The following PCDHGA3 variants were observed in gnomAD, a reference collection of about 807,000 sequenced individuals.
PCDHGA3 encodes protocadherin gamma-A3.
Under a neutral mutation model 58.5 loss-of-function variants are expected in PCDHGA3, and 40 were observed. That is an observed-to-expected ratio of 0.68 (90% confidence interval 0.53 to 0.89). The LOEUF is 0.89. PCDHGA3 is among the 40% of genes least tolerant of loss of function. The pLI, the probability that PCDHGA3 is intolerant of heterozygous loss-of-function variation, is 0.00. For synonymous variants in PCDHGA3, 530 were observed against 525.7 expected (o/e 1.01, Z -0.11); for missense variants, 1,223 against 1,195.9 (o/e 1.02, Z -0.33).
rs2734872 is a variant in PCDHGA3 at position 141,474,454 on chromosome 5, C to T, written c.2425-20353C>T. On this transcript the variant is annotated intron_variant, in intron 1 of 3. Transcript: ENST00000253812. ...ACACTTTGAGTAGCAAGTGATTGGG[C>T]TATACTCTTTATTCTAAATTCTAAA... Among the ~76,000 whole-genome samples, 6 of 152,308 alleles carry T rather than the reference C, an allele frequency of 3.9e-5. No individual in the cohort carries two copies. The East Asian group carries it at 1.2e-3, about 29-fold the overall frequency.
chr5:141,431,674 G>A lies in PCDHGA3; in HGVS notation c.2425-63133G>A, dbSNP rs756385496. ...ATTCAGGGACAATATCAACAATAGG[G>A]GAGTTGGACCACGAGGAGTCAGGAT... On this transcript the variant is annotated intron_variant, in intron 1 of 3. Transcript: ENST00000253812. The surrounding 1 kb of genome is among the most constrained non-coding windows in gnomAD (Gnocchi z 4.8). 4 of 1,614,234 alleles carry A rather than the reference G, an allele frequency of 2.5e-6. No individual in the cohort carries two copies. The Admixed American group carries it at 6.7e-5, about 27-fold the overall frequency.
At chr5:141,472,412 G>C (rs1283620276) in intron 1 of PCDHGA3, among the ~76,000 whole-genome samples, 1 of 152,058 alleles carries the variant, frequency 6.6e-6, no homozygotes, top group Non-Finnish European at 1.5e-5. Context: ...GTGGTGGCAC[G>C]CACCTGTATC....
chr5:141,503,077 TCTC>T (rs1212079220), intron 2 of PCDHGA3, among the ~76,000 whole-genome samples: 1 of 151,810 alleles, frequency 6.6e-6, no homozygotes, highest in African/African-American at 2.4e-5. Flanking sequence ...ATGGTCTCGA[TCTC>T]CTGACCTCGT....
At chr5:141,361,233 C>G in intron 1 of PCDHGA3, 1 of 1,613,952 alleles carries the variant, frequency 6.2e-7, no homozygotes, top group Non-Finnish European at 8.5e-7. Flanking sequence ...GAACAGTGAT[C>G]GCCTTGATAA....
chr5:141,348,629 A>G (rs1216575323), intron 1 of PCDHGA3, among the ~76,000 whole-genome samples: 1 of 152,230 alleles, frequency 6.6e-6, no homozygotes, highest in Non-Finnish European at 1.5e-5. Context: ...CTACTTGTAC[A>G]GGTAATGGAA....
chr5:141,372,536 C>T, intron 1 of PCDHGA3: 1 of 1,614,034 alleles, frequency 6.2e-7, no homozygotes, highest in East Asian at 2.2e-5. Flanking sequence ...TCTCCCTGCG[C>T]CTGCGATGCT....
chr5:141,394,020 AG>A (rs745548616), intron 1 of PCDHGA3: 1 of 1,613,544 alleles, frequency 6.2e-7, no homozygotes, highest in Non-Finnish European at 8.5e-7. Flanking sequence ...TAATTATTAT[AG>A]ATTAGTGACA....
At position 141,399,280 on chromosome 5, in the gene PCDHGA3, G is replaced by A. The variant is rs750453381; in HGVS notation, c.2424+52823G>A. ...GGAGGTTAATTGTCAATTACAAGGCGAAGTCCCTTTTAAGATTATCTCTTC... is the reference window on the plus strand; with the variant it reads ...GGAGGTTAATTGTCAATTACAAGGCAAAGTCCCTTTTAAGATTATCTCTTC... On this transcript the variant is annotated intron_variant, in intron 1 of 3. Coordinates refer to ENST00000253812, the MANE Select transcript of PCDHGA3 (RefSeq NM_018916.4). 20 of 1,613,836 alleles carry A rather than the reference G, an allele frequency of 1.2e-5. No homozygotes were observed. The highest frequency in any genetic ancestry group is 3.3e-4 in the Middle Eastern group (2 of 6,060).
chr5:141,388,907 C>T (rs1321583045), intron 1 of PCDHGA3: 5 of 1,613,786 alleles, frequency 3.1e-6, no homozygotes, highest in African/African-American at 1.3e-5. Context: ...AAAATGACAA[C>T]GCCCCAGAAG....
intron 1 of PCDHGA3, chr5:141,375,864 T>G: frequency 6.2e-7 from 1 of 1,613,866 alleles, no homozygotes; most frequent in African/African-American, 1.3e-5. Context: ...GTGGTGGCGG[T>G]GGACAGAGAC....
At chr5:141,413,342 TG>T in intron 1 of PCDHGA3, 1 of 1,613,974 alleles carries the variant, frequency 6.2e-7, no homozygotes, top group South Asian at 1.1e-5. Flanking sequence ...TCCAAGGACT[TG>T]GGTCTGGCGC....
At chr5:141,423,148 C>G (rs2096714622) in intron 1 of PCDHGA3, 1 of 1,613,404 alleles carries the variant, frequency 6.2e-7, no homozygotes, top group African/African-American at 1.3e-5. Flanking sequence ...CGCGCTCAAG[C>G]AGAGCCTCGT....
chr5:141,504,158 T>G (rs890874880), intron 2 of PCDHGA3, among the ~76,000 whole-genome samples: 1 of 152,222 alleles, frequency 6.6e-6, no homozygotes, highest in Non-Finnish European at 1.5e-5. Context: ...TGAAATAATT[T>G]CATCCTTGGA....
At chr5:141,498,089 A>G (rs1402239680) in intron 2 of PCDHGA3, among the ~76,000 whole-genome samples, 3 of 152,370 alleles carry the variant, frequency 2.0e-5, no homozygotes, top group South Asian at 2.1e-4. Context: ...GTAGAATTGT[A>G]TCTGGTGGTG....
At position 141,438,623 on chromosome 5, in the gene PCDHGA3, TATATATATATATAC is replaced by T. The variant is rs537048311; in HGVS notation, c.2425-56182_2425-56169del. Among the ~76,000 whole-genome samples the T allele has an allele frequency of 0.015, 646 of 42,812 alleles. 25 individuals are homozygous for T. In the East Asian group the frequency reaches 0.19, roughly 12 times the overall value. The allele number at this position is 42,812 out of a possible 152,430, so 28.1% of individuals were successfully genotyped here. A position where few individuals can be genotyped will look rare whatever the true frequency, so the allele number is the denominator to read the frequency against. On this transcript the variant is annotated intron_variant, in intron 1 of 3. Transcript: ENST00000253812. ...ATATATATATATATATATATATATA[TATATATATATATAC>T]ACACACACACACACATATATGTATA...
At position 141,486,548 on chromosome 5, in the gene PCDHGA3, T is replaced by C; in HGVS notation, c.2425-8259T>C. 1 of 1,614,100 alleles carries C rather than the reference T, an allele frequency of 6.2e-7. No individual in the cohort carries two copies. ...TAATCCACCCTCTTTCTTTCAGAGG[T>C]CACATGAGGTGTTTGTTCCTGAGAA... is the stretch of plus-strand genomic sequence containing the variant. On this transcript the variant is annotated intron_variant, in intron 1 of 3. Coordinates refer to ENST00000253812, the MANE Select transcript of PCDHGA3 (RefSeq NM_018916.4). The surrounding 1 kb of genome is among the most constrained non-coding windows in gnomAD (Gnocchi z 5.0).
intron 1 of PCDHGA3, chr5:141,370,587 A>G (rs775639424): frequency 6.8e-6 from 11 of 1,613,960 alleles, no homozygotes; most frequent in Non-Finnish European, 8.5e-6. Context: ...ACCTACTAGG[A>G]ACCTGCGGGT....
chr5:141,413,992 A>G (rs1437832303), intron 1 of PCDHGA3: 1 of 1,613,538 alleles, frequency 6.2e-7, no homozygotes, highest in Admixed American at 1.7e-5. Flanking sequence ...AGCCACCGAC[A>G]GGGACGAAGG....
intron 1 of PCDHGA3, chr5:141,365,422 T>G: frequency 6.2e-7 from 1 of 1,614,032 alleles, no homozygotes; most frequent in Non-Finnish European, 8.5e-7. Context: ...TTCCCGGAAC[T>G]GTAATCGCGC....
Sources: gnomAD v4.1 joint callset for allele counts (sites outside exome capture counted in the v4.1 genomes callset) on GRCh38, gnomAD v4.1.1 for gene constraint, Gnocchi (gnomAD v3.1) non-coding constraint, MANE v1.5 for transcripts, NCBI Gene and HGNC (gene_info 2026-07-23, HGNC 2026-07-21) for gene names.